The following NELL1 variants were observed in gnomAD, a reference collection of about 807,000 sequenced individuals.
The protein encoded by NELL1 is neural EGFL like 1.
NELL1 carries 76 observed loss-of-function variants against 107.4 expected under a neutral mutation model. That is an observed-to-expected ratio of 0.71 (90% CI 0.59 to 0.86). NELL1 has a LOEUF of 0.86. NELL1 is among the 40% of genes least tolerant of loss of function. The pLI, the probability that NELL1 is intolerant of heterozygous loss-of-function variation, is 0.00. For missense variants in NELL1, 1,024 were observed against 1,005.5 expected, an observed-to-expected ratio of 1.02 and a Z score of -0.25; for synonymous variants, 353 against 341.2, an observed-to-expected ratio of 1.03 and a Z score of -0.38.
At chr11:21,493,285 G>A (rs1854879801) in intron 15 of NELL1, among the ~76,000 whole-genome samples, 2 of 152,054 alleles carry the variant, frequency 1.3e-5, no homozygotes, top group South Asian at 4.1e-4. Flanking sequence ...ACCTACATGT[G>A]CATATTTAGC....
intron 4 of NELL1, among the ~76,000 whole-genome samples, chr11:20,861,901 C>G (rs1848985939): frequency 6.6e-6 from 1 of 152,186 alleles, no homozygotes; most frequent in Non-Finnish European, 1.5e-5. Flanking sequence ...GTACCTCCCT[C>G]AAGTGATTGT....
chr11:21,277,252 A>G (rs1038119840), intron 14 of NELL1, among the ~76,000 whole-genome samples: 3 of 151,694 alleles, frequency 2.0e-5, no homozygotes, highest in African/African-American at 7.3e-5. Flanking sequence ...ATGAACAGAC[A>G]CTTCTCAAAA....
chr11:21,083,830 TTTA>T (rs1854325649), intron 12 of NELL1, among the ~76,000 whole-genome samples: 2 of 152,212 alleles, frequency 1.3e-5, no homozygotes, highest in African/African-American at 4.8e-5. Flanking sequence ...ATTAAATACT[TTTA>T]TTATTGTCTT....
intron 2 of NELL1, among the ~76,000 whole-genome samples, chr11:20,748,464 G>T (rs1265465308): frequency 2.0e-5 from 3 of 152,162 alleles, no homozygotes; most frequent in Admixed American, 1.3e-4. Flanking sequence ...TGGATTAATT[G>T]TACAGTGGTA....
chr11:21,415,260 G>T (rs1032405342), intron 15 of NELL1, among the ~76,000 whole-genome samples: 4 of 152,094 alleles, frequency 2.6e-5, no homozygotes, highest in Non-Finnish European at 5.9e-5. Flanking sequence ...AGAAAGCTGG[G>T]TAACTGTGCC....
chr11:20,947,540 CTG>C (rs1324609347), intron 11 of NELL1, 105 bp downstream of exon 11: 7 of 787,764 alleles, frequency 8.9e-6, no homozygotes, highest in Non-Finnish European at 1.3e-5. Context: ...GTCCAAAACT[CTG>C]TGCGCTGCTC....
At chr11:21,571,018 T>G (rs1857090146) in intron 18 of NELL1, 78 bp downstream of exon 18, 2 of 1,351,226 alleles carry the variant, frequency 1.5e-6, no homozygotes, top group East Asian at 2.3e-5. Context: ...TGGGACCTAG[T>G]TCCCAGTTTT....
intron 9 of NELL1, among the ~76,000 whole-genome samples, chr11:20,932,668 A>G (rs1206046422): frequency 6.6e-6 from 1 of 152,204 alleles, no homozygotes; most frequent in South Asian, 2.1e-4. Flanking sequence ...CCCATTTTAC[A>G]CATGAGGAGG....
chr11:21,217,833 G>A (rs1181781683), intron 13 of NELL1, among the ~76,000 whole-genome samples: 4 of 152,098 alleles, frequency 2.6e-5, no homozygotes, highest in East Asian at 1.9e-4. Flanking sequence ...TCAGGTAGTC[G>A]TTTGGGTCCT....
At chr11:21,076,005 A>G (rs558614025) in intron 12 of NELL1, among the ~76,000 whole-genome samples, 1 of 152,226 alleles carries the variant, frequency 6.6e-6, no homozygotes, top group African/African-American at 2.4e-5. Flanking sequence ...TTATAAACAC[A>G]TACAAACACA....
chr11:21,572,782 C>T (rs983708367), intron 18 of NELL1, among the ~76,000 whole-genome samples: 1 of 151,834 alleles, frequency 6.6e-6, no homozygotes, highest in African/African-American at 2.4e-5. Context: ...ATATACTAGA[C>T]AGTACCTTAT....
At chr11:21,134,344 A>G (rs892564475) in intron 13 of NELL1, among the ~76,000 whole-genome samples, 1 of 152,130 alleles carries the variant, frequency 6.6e-6, no homozygotes, top group Non-Finnish European at 1.5e-5. Context: ...CTATAAGGAT[A>G]GGAGAGTCTT....
intron 9 of NELL1, among the ~76,000 whole-genome samples, chr11:20,932,802 T>C (rs1212179130): frequency 6.6e-6 from 1 of 152,212 alleles, no homozygotes; most frequent in Admixed American, 6.5e-5. Flanking sequence ...CTAACCATTG[T>C]TCTCCAGAGA....
rs1382978489 is a variant in NELL1 at position 21,097,529 on chromosome 11, T to C, written c.1301-16060T>C. Among the ~76,000 whole-genome samples, 8 of 150,960 alleles carry C rather than the reference T, an allele frequency of 5.3e-5. No individual in the cohort carries two copies. The East Asian group carries it at 1.2e-3, about 22-fold the overall frequency. On this transcript the variant is annotated intron_variant, in intron 12 of 19. Coordinates refer to ENST00000357134, the MANE Select transcript of NELL1 (RefSeq NM_006157.5). ...CTTGTACATATTTTCCTAAATGTAC[T>C]GGGGGAGGGGGATGTGAGGTACAGA...
At chr11:21,471,833 A>T (rs945911669) in intron 15 of NELL1, among the ~76,000 whole-genome samples, 1 of 152,118 alleles carries the variant, frequency 6.6e-6, no homozygotes. Flanking sequence ...TATTATGCAT[A>T]CATGCATGCA....
At chr11:21,328,962 G>A (rs1358530253) in intron 14 of NELL1, among the ~76,000 whole-genome samples, 1 of 152,104 alleles carries the variant, frequency 6.6e-6, no homozygotes, top group East Asian at 1.9e-4. Context: ...CAGGCTCATA[G>A]GCAGAAGAGA....
chr11:21,270,459 G>C (rs1446313122), intron 14 of NELL1, among the ~76,000 whole-genome samples: 1 of 151,970 alleles, frequency 6.6e-6, no homozygotes, highest in Non-Finnish European at 1.5e-5. Flanking sequence ...AATTTTAAAA[G>C]GGTTAATTCT....
chr11:21,370,551 C>T (rs575946285), intron 14 of NELL1, among the ~76,000 whole-genome samples: 1 of 152,188 alleles, frequency 6.6e-6, no homozygotes, highest in East Asian at 1.9e-4. Flanking sequence ...TCAATTTATT[C>T]TATTTGATTT....
chr11:21,071,292 A>G (rs539901114), intron 12 of NELL1, among the ~76,000 whole-genome samples: 29 of 152,334 alleles, frequency 1.9e-4, no homozygotes, highest in Middle Eastern at 3.4e-3. Flanking sequence ...TAAACATTGC[A>G]GTAACTCCAG....
Sources: allele counts gnomAD v4.1 joint callset (sites outside exome capture counted in the v4.1 genomes callset), GRCh38; gene constraint gnomAD v4.1.1; transcripts MANE v1.5; gene names NCBI Gene and HGNC (gene_info 2026-07-23, HGNC 2026-07-21).